Variants in PLOD1 observed in about 807,000 individuals in gnomAD.
PLOD1 encodes the protein lysine hydroxylase.
In PLOD1, 70 loss-of-function variants were observed where a neutral mutation model predicts 94.7. The observed-to-expected ratio is 0.74, with a 90% CI of 0.61 to 0.90. The LOEUF (loss-of-function observed/expected upper bound fraction) is 0.90. PLOD1 is among the 40% of genes least tolerant of loss of function. The pLI is 0.00. For missense variants in PLOD1, 905 were observed against 972.7 expected (o/e 0.93, Z 0.93); for synonymous variants, 417 against 400.2 (o/e 1.04, Z -0.50).
At position 11,957,847 on chromosome 1, in the gene PLOD1, G is replaced by T. The variant is rs768989396; in HGVS notation, c.747G>T (p.Gln249His). ...ACCCCACGTCTCCCCGACAGCTGCA[G>T]TTGAACTACCTGGGCAACTACATCC... Reference protein sequence around the residue: ...LIHGNGPTKLQLNYLGNYIPR... With the variant: ...LIHGNGPTKLHLNYLGNYIPR... Residue 249 changes from glutamine to histidine, a missense_variant, in exon 8 of 19, where the codon CAG (glutamine) becomes CAT (histidine). Gln to His is a conservative substitution (Grantham distance 24, BLOSUM62 0). Transcript: ENST00000196061. The surrounding 1 kb of genome is among the most constrained non-coding windows in gnomAD (Gnocchi z 4.1). 2 of 1,613,360 alleles carry T rather than the reference G, an allele frequency of 1.2e-6. No homozygotes were observed. The highest frequency in any genetic ancestry group is 1.7e-6 in the Non-Finnish European group (2 of 1,179,396).
In PLOD1 at chr1:11,963,551, C is replaced by G; in HGVS notation, c.1117C>G (p.Arg373Gly). The G allele has an allele frequency of 6.2e-7, 1 of 1,601,420 alleles. No individual in the cohort carries two copies. The highest frequency in any genetic ancestry group is 8.5e-7 in the Non-Finnish European group (1 of 1,174,780). The part of the protein sequence containing the change: ...NMGADLCRQD[R>G]SCTYYFSVDA... ...TTGCAGAGACCTGTGCCGGCAGGAC[C>G]GCAGCTGCACCTACTACTTCAGCGT... The change falls in exon 11 of 19, where the codon CGC (arginine) becomes GGC (glycine). Residue 373 changes from arginine to glycine, a missense_variant. By Grantham distance (125) the Arg-to-Gly change is moderately radical. Transcript: ENST00000196061. This position sits in a 1 kb window ranked among gnomAD's most constrained non-coding sequence, Gnocchi z 4.3.
intron 1 of PLOD1, among the ~76,000 whole-genome samples, chr1:11,942,184 T>C (rs940707275): frequency 5.3e-5 from 8 of 152,060 alleles, no homozygotes; most frequent in Non-Finnish European, 1.2e-4. Flanking sequence ...GGTTTCACCA[T>C]GTTGGCCAGG....
rs1017018601 is a variant in PLOD1, at chr1:11,963,965, C to A, written c.1203-210C>A. ...GTTCTGATAGAGAAGGTGTCCTGCC[C>A]TGTCTGCTCCTGGCTGCCCCATGGG... On this transcript the variant is annotated intron_variant, in intron 11 of 18. Transcript: ENST00000196061. The surrounding 1 kb of genome is among the most constrained non-coding windows in gnomAD (Gnocchi z 4.3). Among the ~76,000 whole-genome samples, 9 of 152,144 alleles carry A rather than the reference C, an allele frequency of 5.9e-5. No homozygotes were observed. The highest frequency in any genetic ancestry group is 2.2e-4 in the African/African-American group (9 of 41,428).
At chr1:11,934,968 G>T (rs1484882178) in intron 1 of PLOD1, 113 bp downstream of exon 1, 17 of 1,304,444 alleles carry the variant, frequency 1.3e-5, no homozygotes, top group Non-Finnish European at 1.6e-5. Context: ...AGGGAGTCTG[G>T]GTTCCGGCTC....
At chr1:11,942,632 G>A (rs1340626842) in intron 1 of PLOD1, among the ~76,000 whole-genome samples, 1 of 152,206 alleles carries the variant, frequency 6.6e-6, no homozygotes, top group Non-Finnish European at 1.5e-5. Flanking sequence ...TCATGCCAGG[G>A]TCTCTTGTTG....
Position 11,952,620 on chromosome 1 carries a change from CA to C in PLOD1, c.467-2del, listed in dbSNP as rs1440249864. 2.0e-5 allele frequency: 32 copies of C among 1,611,990 alleles called. No individual in the cohort carries two copies. Among genetic ancestry groups the C allele is most frequent in the Non-Finnish European group, 2.5e-5 (30 of 1,178,166 alleles). On this transcript the variant is annotated splice_acceptor_variant, in intron 4 of 18. Transcript: ENST00000196061. LOFTEE classifies it high-confidence loss of function. ...CTTGGTGTCCCCACCCACCAACCTTCAGGCTTCATCGGTTATGCCCCCAACC... is the reference window on the plus strand; with the variant it reads ...CTTGGTGTCCCCACCCACCAACCTTCGGCTTCATCGGTTATGCCCCCAACC...
chr1:11,964,323 T>TGGGGGGGGGG (rs1569721804), intron 12 of PLOD1, 23 bp downstream of exon 12: 43 of 274,478 alleles, frequency 1.6e-4, no homozygotes, highest in East Asian at 5.8e-4. Context: ...AGGGTGGGGG[T>TGGGGGGGGGG]GGGTGGGGGA....
chr1:11,940,293 C>T (rs1200633417), intron 1 of PLOD1, among the ~76,000 whole-genome samples: 2 of 151,760 alleles, frequency 1.3e-5, no homozygotes, highest in Non-Finnish European at 1.5e-5. Context: ...TAAGTGTTGA[C>T]ATTACAGGTG....
At position 11,966,331 on chromosome 1, in the gene PLOD1, C is replaced by T. The variant is rs748866632; in HGVS notation, c.1650+15C>T. 6.3e-6 allele frequency: 10 copies of T among 1,592,450 alleles called. No homozygotes were observed. The East Asian group carries it at 9.1e-5, about 14-fold the overall frequency. ...TGGTGGAGACGGTAAGGGCCATGGACACCCTCTTGGACCAGCCTTGCCTGC... is the reference window on the plus strand; with the variant it reads ...TGGTGGAGACGGTAAGGGCCATGGATACCCTCTTGGACCAGCCTTGCCTGC... On this transcript the variant is annotated intron_variant, in intron 15 of 18. Transcript: ENST00000196061.
At chr1:11,943,880 G>A (rs1342151125) in intron 1 of PLOD1, among the ~76,000 whole-genome samples, 2 of 152,126 alleles carry the variant, frequency 1.3e-5, no homozygotes, top group Admixed American at 6.6e-5. Context: ...CACATTACTC[G>A]CCAGCTGTAC....
intron 1 of PLOD1, among the ~76,000 whole-genome samples, chr1:11,940,254 C>A (rs1275649347): frequency 2.0e-5 from 3 of 152,122 alleles, no homozygotes; most frequent in Non-Finnish European, 2.9e-5. Context: ...AACTCAGGGC[C>A]TCAAATAAGC....
chr1:11,952,586 AG>A (rs1013988152), intron 4 of PLOD1, 36 bp from the exon 5 acceptor site: 2 of 1,475,236 alleles, frequency 1.4e-6, no homozygotes, highest in Admixed American at 1.7e-5. Flanking sequence ...CTGGAAGCTA[AG>A]GGTCCGTCTT....
chr1:11,951,430 G>A (rs528018250), intron 4 of PLOD1, among the ~76,000 whole-genome samples: 1 of 151,926 alleles, frequency 6.6e-6, no homozygotes, highest in South Asian at 2.1e-4. Flanking sequence ...GCCGGGCGTG[G>A]TGGTACACGC....
At chr1:11,949,463 A>G (rs745855996) in intron 2 of PLOD1, among the ~76,000 whole-genome samples, 5 of 152,180 alleles carry the variant, frequency 3.3e-5, no homozygotes, top group Non-Finnish European at 7.3e-5. Context: ...TCTGTCTCCC[A>G]GGCTGAAGTG....
chr1:11,950,013 C>A, intron 3 of PLOD1, 107 bp downstream of exon 3: 1 of 1,177,950 alleles, frequency 8.5e-7, no homozygotes, highest in Non-Finnish European at 1.3e-6. Context: ...ACCACTCTAG[C>A]TAAGGTTGCC....
chr1:11,948,257 A>G (rs1483838653), intron 2 of PLOD1, among the ~76,000 whole-genome samples, 190 bp downstream of exon 2: 1 of 152,184 alleles, frequency 6.6e-6, no homozygotes. Context: ...GCATGAGTCT[A>G]GGGGGTGATG....
At chr1:11,961,439 A>G (rs889258425) in intron 10 of PLOD1, among the ~76,000 whole-genome samples, 3 of 152,290 alleles carry the variant, frequency 2.0e-5, no homozygotes, top group African/African-American at 7.2e-5. Flanking sequence ...TAGAAGAGTC[A>G]GACAGTCCAG....
At chr1:11,937,891 C>T (rs1645590499) in intron 1 of PLOD1, among the ~76,000 whole-genome samples, 1 of 151,548 alleles carries the variant, frequency 6.6e-6, no homozygotes, top group Non-Finnish European at 1.5e-5. Flanking sequence ...CCTTTGCTTC[C>T]CTTCTCCATT....
intron 3 of PLOD1, 79 bp downstream of exon 3, chr1:11,949,985 C>T: frequency 1.4e-6 from 2 of 1,466,044 alleles, no homozygotes; most frequent in East Asian, 2.3e-5. Context: ...CCTCCCAGAA[C>T]ATCGGGGAAG....
Sources: gnomAD v4.1 joint callset for allele counts (sites outside exome capture counted in the v4.1 genomes callset) on GRCh38, gnomAD v4.1.1 for gene constraint, Gnocchi (gnomAD v3.1) non-coding constraint, MANE v1.5 for transcripts, NCBI Gene and HGNC (gene_info 2026-07-23, HGNC 2026-07-21) for gene names.